Variants in SCP2 observed in about 807,000 individuals in gnomAD.
SCP2 encodes the protein sterol carrier protein 2.
Under a neutral mutation model 71.4 loss-of-function variants are expected in SCP2, and 48 were observed. The observed-to-expected ratio is 0.67, with a 90% CI of 0.53 to 0.86. The LOEUF (loss-of-function observed/expected upper bound fraction) is 0.86, where lower values mean the gene tolerates loss of function less well. Among genes scored for constraint, SCP2 ranks in the 40% least tolerant of loss-of-function variants. The pLI is 0.00. For missense variants in SCP2, 560 were observed against 655.6 expected (o/e 0.85, Z 1.59); for synonymous variants, 220 against 218.1 (o/e 1.01, Z -0.08).
intron 12 of SCP2, among the ~76,000 whole-genome samples, chr1:53,026,165 T>G (rs1662117072): frequency 6.6e-6 from 1 of 152,216 alleles, no homozygotes; most frequent in Admixed American, 6.5e-5. Context: ...AGGGTACAAG[T>G]ACTAATTTAA....
intron 15 of SCP2, 67 bp from the exon 16 acceptor site, chr1:53,050,542 G>C: frequency 1.0e-6 from 1 of 952,530 alleles, no homozygotes; most frequent in South Asian, 1.3e-5. Flanking sequence ...GGGCTAGATA[G>C]TGTAGAAACA....
chr1:53,046,631 T>G (rs1314015987), intron 14 of SCP2, among the ~76,000 whole-genome samples: 1 of 152,206 alleles, frequency 6.6e-6, no homozygotes, highest in Non-Finnish European at 1.5e-5. Flanking sequence ...TTGTCAGAGA[T>G]ATATGAGTTG....
At chr1:53,026,556 T>G (rs1335076009) in intron 12 of SCP2, among the ~76,000 whole-genome samples, 2 of 150,876 alleles carry the variant, frequency 1.3e-5, no homozygotes, top group East Asian at 3.8e-4. Flanking sequence ...ATCTGTAATC[T>G]CAGCACCTTG....
At chr1:52,998,369 G>T (rs989432986) in intron 11 of SCP2, among the ~76,000 whole-genome samples, 11 of 152,210 alleles carry the variant, frequency 7.2e-5, no homozygotes, top group Admixed American at 7.2e-4. Flanking sequence ...GCTGAGGTGG[G>T]AGGATTGCTT....
intron 11 of SCP2, among the ~76,000 whole-genome samples, chr1:53,011,081 A>G (rs1481730921): frequency 6.6e-6 from 1 of 152,210 alleles, no homozygotes; most frequent in Non-Finnish European, 1.5e-5. Context: ...TACATTCTTC[A>G]GTGTATGCTG....
At chr1:52,981,223 C>A (rs188498943) in intron 10 of SCP2, among the ~76,000 whole-genome samples, 2 of 152,190 alleles carry the variant, frequency 1.3e-5, no homozygotes, top group Admixed American at 6.5e-5. Flanking sequence ...TGAGCCACTG[C>A]GCCCAGCCGT....
chr1:52,994,296 C>T (rs1659770902), intron 11 of SCP2: 1 of 996,790 alleles, frequency 1.0e-6, no homozygotes, highest in Non-Finnish European at 1.2e-6. Flanking sequence ...TTTCAGACAG[C>T]TTCCTTACGC....
intron 13 of SCP2, among the ~76,000 whole-genome samples, chr1:53,034,478 T>C (rs1189417770): frequency 6.6e-6 from 1 of 152,130 alleles, no homozygotes; most frequent in Admixed American, 6.5e-5. Context: ...TGACTGCTAA[T>C]GGGTATGAGT....
At chr1:52,954,212 G>A (rs1414039503) in intron 4 of SCP2, among the ~76,000 whole-genome samples, 2 of 151,210 alleles carry the variant, frequency 1.3e-5, no homozygotes, top group Non-Finnish European at 2.9e-5. Context: ...CTAATAGAGA[G>A]CTGAGGTGGG....
At chr1:52,953,028 AT>A (rs200970751) in intron 4 of SCP2, among the ~76,000 whole-genome samples, 1 of 83,374 alleles carries the variant, frequency 1.2e-5, no homozygotes. Context: ...CTGTTCTTTT[AT>A]TTTTTTTAAG....
chr1:52,936,103 TAATTGCAG>T (rs1653720103), intron 1 of SCP2, among the ~76,000 whole-genome samples: 1 of 152,244 alleles, frequency 6.6e-6, no homozygotes, highest in Admixed American at 6.5e-5. Context: ...GAATTAAAGA[TAATTGCAG>T]AAATGCTAAA....
In SCP2 at chr1:52,979,571, T is replaced by A. The variant is rs187163041; in HGVS notation, c.826-825T>A. Reference sequence around the variant, plus strand: ...AAGAACATGGACTTTGGAAAAATGGTTTGAATCCTAGATGATCTTCTAAAA... The same window carrying A: ...AAGAACATGGACTTTGGAAAAATGGATTGAATCCTAGATGATCTTCTAAAA... On this transcript the variant is annotated intron_variant, in intron 9 of 15. Coordinates refer to ENST00000371514, the MANE Select transcript of SCP2 (RefSeq NM_002979.5). Among the ~76,000 whole-genome samples the A allele has an allele frequency of 4.9e-4, 75 of 152,278 alleles. 1 individual carries two copies. Among genetic ancestry groups the A allele is most frequent in the African/African-American group, 1.8e-3 (75 of 41,562 alleles).
chr1:52,979,409 G>A (rs1245523298), intron 9 of SCP2, among the ~76,000 whole-genome samples: 1 of 150,394 alleles, frequency 6.6e-6, no homozygotes, highest in Non-Finnish European at 1.5e-5. Flanking sequence ...TTGAACTCCT[G>A]GACTCAAGCG....
chr1:52,988,118 C>A lies in SCP2; in HGVS notation c.1063C>A (p.His355Asn). 2 of 1,569,872 alleles carry A rather than the reference C, an allele frequency of 1.3e-6. No individual in the cohort carries two copies. The highest frequency in any genetic ancestry group is 1.8e-6 in the Non-Finnish European group (2 of 1,140,038). Residue 355 changes from histidine (H) to asparagine (N), a missense_variant, in exon 11 of 16, where the codon CAC becomes AAC. His to Asn is a moderately conservative substitution (Grantham distance 68). Transcript: ENST00000371514. ...TAGTGGTGGACTGATTTCAAAGGGA[C>A]ACCCACTAGGCGCTACAGGTAATGC... ...NPSGGLISKG[H>N]PLGATGLAQC...
At chr1:52,996,022 C>T in intron 11 of SCP2, 2 of 1,374,580 alleles carry the variant, frequency 1.5e-6, no homozygotes, top group Non-Finnish European at 1.9e-6. Context: ...GAAGAGGAGG[C>T]CTAAGGCAGA....
At chr1:53,020,888 C>T (rs1224003949) in intron 12 of SCP2, among the ~76,000 whole-genome samples, 5 of 152,152 alleles carry the variant, frequency 3.3e-5, no homozygotes, top group African/African-American at 1.2e-4. Context: ...GAAACTTACG[C>T]GTACTGTACG....
intron 11 of SCP2, among the ~76,000 whole-genome samples, chr1:53,008,137 A>G (rs1453757806): frequency 6.6e-6 from 1 of 152,224 alleles, no homozygotes; most frequent in Non-Finnish European, 1.5e-5. Flanking sequence ...GCAATAATTA[A>G]TAGCCTACCA....
chr1:53,018,265 T>C (rs768111249), intron 12 of SCP2, among the ~76,000 whole-genome samples: 1 of 152,252 alleles, frequency 6.6e-6, no homozygotes, highest in Non-Finnish European at 1.5e-5. Context: ...TTACCAATTG[T>C]TGACATTTTG....
intron 6 of SCP2, among the ~76,000 whole-genome samples, chr1:52,963,334 G>A (rs1406554726): frequency 1.3e-5 from 2 of 151,812 alleles, no homozygotes; most frequent in Non-Finnish European, 2.9e-5. Flanking sequence ...ACACAGCCAA[G>A]CACAGAGCTT....
Sources: gnomAD v4.1 joint callset for allele counts (sites outside exome capture counted in the v4.1 genomes callset) on GRCh38, gnomAD v4.1.1 for gene constraint, MANE v1.5 for transcripts, NCBI Gene and HGNC (gene_info 2026-07-23, HGNC 2026-07-21) for gene names.